The following LRP5 variants were observed in gnomAD, a reference collection of about 807,000 sequenced individuals.
The protein encoded by LRP5 is low-density lipoprotein receptor-related protein 5.
In LRP5, 62 loss-of-function variants were observed where a neutral mutation model predicts 154.1. The ratio of observed to expected loss-of-function variants is 0.40; its 90% CI spans 0.33 to 0.50. The LOEUF (loss-of-function observed/expected upper bound fraction) is 0.50, where lower values mean the gene tolerates loss of function less well. LRP5 is among the 20% of genes least tolerant of loss of function. LRP5 has a pLI of 0.55. For missense variants in LRP5, 1,915 were observed against 2,336.7 expected, an observed-to-expected ratio of 0.82 and a Z score of 3.72; for synonymous variants, 966 against 1,011.5, an observed-to-expected ratio of 0.96 and a Z score of 0.85.
At chr11:68,352,112 G>A (rs565498069) in intron 2 of LRP5, among the ~76,000 whole-genome samples, 2 of 152,152 alleles carry the variant, frequency 1.3e-5, no homozygotes, top group Non-Finnish European at 2.9e-5. Flanking sequence ...GCTGTGGGGT[G>A]GGTGGCGTGG....
Position 68,423,709 on chromosome 11 carries a change from A to G in LRP5, c.3236+12A>G, listed in dbSNP as rs758624850. ...AACGCGGAGCGAGGGTAGGAGGCCAACGGGTGGGTGGGGGTGCTGCCCGTC... is the reference window on the plus strand; with the variant it reads ...AACGCGGAGCGAGGGTAGGAGGCCAGCGGGTGGGTGGGGGTGCTGCCCGTC... On this transcript the variant is annotated intron_variant, in intron 14 of 22. Transcript: ENST00000294304. This position sits in a 1 kb window ranked among gnomAD's most constrained non-coding sequence, Gnocchi z 4.7. 27 of 1,602,150 alleles carry G rather than the reference A, an allele frequency of 1.7e-5. No individual in the cohort carries two copies. Among genetic ancestry groups the G allele is most frequent in the Non-Finnish European group, 2.2e-5 (26 of 1,178,216 alleles).
intron 11 of LRP5, among the ~76,000 whole-genome samples, chr11:68,412,643 CA>C (rs532949641): frequency 3.9e-3 from 519 of 132,024 alleles, no homozygotes; most frequent in Middle Eastern, 7.6e-3. Flanking sequence ...AGACCGTCTC[CA>C]AAAAAAAAAA....
intron 10 of LRP5, 71 bp from the exon 11 acceptor site, chr11:68,411,365 C>T (rs1274408191): frequency 1.3e-6 from 2 of 1,527,794 alleles, no homozygotes; most frequent in Non-Finnish European, 1.8e-6. Context: ...ACAGTTGCGT[C>T]CCCCCGCCAC....
At chr11:68,366,092 C>A (rs1442259096) in intron 5 of LRP5, among the ~76,000 whole-genome samples, 1 of 152,228 alleles carries the variant, frequency 6.6e-6, no homozygotes, top group East Asian at 1.9e-4. Context: ...AAATCACACA[C>A]GTTCAGGATG....
chr11:68,392,390 G>A (rs1229189255), intron 7 of LRP5, among the ~76,000 whole-genome samples: 2 of 152,096 alleles, frequency 1.3e-5, no homozygotes, highest in Non-Finnish European at 2.9e-5. Flanking sequence ...TGTAATCCCA[G>A]CTACTCGGGA....
intron 6 of LRP5, among the ~76,000 whole-genome samples, chr11:68,389,518 A>T (rs545423922): frequency 1.3e-5 from 2 of 152,092 alleles, no homozygotes; most frequent in African/African-American, 4.8e-5. Flanking sequence ...ACCGACATTT[A>T]CCAACACCAG....
At chr11:68,412,630 G>T (rs1390643326) in intron 11 of LRP5, among the ~76,000 whole-genome samples, 1 of 151,042 alleles carries the variant, frequency 6.6e-6, no homozygotes, top group Non-Finnish European at 1.5e-5. Flanking sequence ...GGGCAATAGA[G>T]TGAGACCGTC....
intron 18 of LRP5, among the ~76,000 whole-genome samples, chr11:68,434,105 A>G (rs2098673506): frequency 6.6e-6 from 1 of 152,198 alleles, no homozygotes; most frequent in Admixed American, 6.5e-5. Flanking sequence ...AACCTGAGGC[A>G]CATTCAGGGG....
intron 21 of LRP5, among the ~76,000 whole-genome samples, chr11:68,440,283 C>T (rs889411338): frequency 2.6e-5 from 4 of 152,210 alleles, no homozygotes; most frequent in African/African-American, 9.6e-5. Flanking sequence ...GTTCCCTCCA[C>T]AAACACCCTG....
Position 68,445,734 on chromosome 11 carries a change from T to A in LRP5, c.4489-702T>A, listed in dbSNP as rs781711550. On this transcript the variant is annotated intron_variant, in intron 21 of 22. Transcript: ENST00000294304. ...GGGCCCAGGGCCCCTGGTCCCTTCCTCCCTTTGTAGGGCTGGTTGTGTGCT... is the reference window on the plus strand; with the variant it reads ...GGGCCCAGGGCCCCTGGTCCCTTCCACCCTTTGTAGGGCTGGTTGTGTGCT... 3.4e-4 allele frequency: 394 copies of A among 1,175,376 alleles called. 1 individual carries two copies. Among genetic ancestry groups the A allele is most frequent in the Middle Eastern group, 6.5e-4 (3 of 4,622 alleles). 72.8% of individuals were successfully genotyped at this position (1,175,376 alleles called of 1,614,324 possible). A position where few individuals can be genotyped will look rare whatever the true frequency, so the allele number is the denominator to read the frequency against.
chr11:68,380,663 CGCAGTGGGGCGTGTCCTGCAT>C lies in LRP5; in HGVS notation c.1016-5642_1016-5622del, dbSNP rs541777751. 5.0e-4 allele frequency among the ~76,000 whole-genome samples: 76 copies of C among 152,296 alleles called. 2 individuals are homozygous for C. The South Asian group carries it at 0.015, about 30-fold the overall frequency. On this transcript the variant is annotated intron_variant, in intron 5 of 22. Coordinates refer to ENST00000294304, the MANE Select transcript of LRP5 (RefSeq NM_002335.4). ...GGATAGGGCTGGGCTCGGAGCTGCACGCAGTGGGGCGTGTCCTGCATGCAGTGGGGCCTCAGAAGAGAGCTG... is the reference window on the plus strand; with the variant it reads ...GGATAGGGCTGGGCTCGGAGCTGCACGCAGTGGGGCCTCAGAAGAGAGCTG...
At chr11:68,412,535 C>G (rs933420582) in intron 11 of LRP5, among the ~76,000 whole-genome samples, 71 of 151,900 alleles carry the variant, frequency 4.7e-4, no homozygotes, top group African/African-American at 1.7e-3. Flanking sequence ...GTCCAAGCTA[C>G]TTGGGAGGCT....
At chr11:68,388,191 A>G (rs915886344) in intron 6 of LRP5, among the ~76,000 whole-genome samples, 6 of 151,988 alleles carry the variant, frequency 3.9e-5, no homozygotes, top group Non-Finnish European at 7.4e-5. Flanking sequence ...AGGGTGGATG[A>G]GGGTAAGAAG....
At chr11:68,382,272 C>T (rs1281486824) in intron 5 of LRP5, among the ~76,000 whole-genome samples, 1 of 152,196 alleles carries the variant, frequency 6.6e-6, no homozygotes, top group Admixed American at 6.5e-5. Context: ...TAGAGGCCCT[C>T]TGCTGACCTA....
chr11:68,398,801 C>T (rs995765635), intron 7 of LRP5, among the ~76,000 whole-genome samples: 1 of 152,092 alleles, frequency 6.6e-6, no homozygotes, highest in African/African-American at 2.4e-5. Flanking sequence ...AGTGCTATGG[C>T]ATGGCTCGCT....
chr11:68,354,931 C>T lies in LRP5; in HGVS notation c.489-2719C>T, dbSNP rs77168350. On this transcript the variant is annotated intron_variant, in intron 2 of 22. Coordinates refer to ENST00000294304, the MANE Select transcript of LRP5 (RefSeq NM_002335.4). ...CCCTCTTACCCTGTCCCCACGGGGC[C>T]GGAGGAGCAGGGGCTTGGTGATAGC... Among the ~76,000 whole-genome samples, 99 of 152,312 alleles carry T rather than the reference C, an allele frequency of 6.5e-4. 1 individual carries two copies. The East Asian group carries it at 0.012, about 18-fold the overall frequency.
chr11:68,439,716 C>T, intron 20 of LRP5, 61 bp from the exon 21 acceptor site: 1 of 1,564,448 alleles, frequency 6.4e-7, no homozygotes, highest in East Asian at 2.3e-5. Flanking sequence ...CGCCCTATGT[C>T]TGTGGGGCGG....
intron 21 of LRP5, among the ~76,000 whole-genome samples, chr11:68,444,215 T>A (rs1009520068): frequency 2.0e-5 from 3 of 152,008 alleles, no homozygotes; most frequent in Non-Finnish European, 2.9e-5. Flanking sequence ...TACAGAGAAC[T>A]CTAAGAATGC....
At chr11:68,332,876 C>T (rs1248311783) in intron 1 of LRP5, among the ~76,000 whole-genome samples, 1 of 152,100 alleles carries the variant, frequency 6.6e-6, no homozygotes, top group Non-Finnish European at 1.5e-5. Flanking sequence ...AGAGCTATTC[C>T]TGGGGTGCTT....
Sources: allele counts gnomAD v4.1 joint callset (sites outside exome capture counted in the v4.1 genomes callset), GRCh38; gene constraint gnomAD v4.1.1; non-coding constraint Gnocchi (gnomAD v3.1); transcripts MANE v1.5; gene names NCBI Gene and HGNC (gene_info 2026-07-23, HGNC 2026-07-21).